The following CTNNA2 variants were observed in gnomAD, a reference collection of about 807,000 sequenced individuals.
CTNNA2 encodes the protein catenin alpha-2.
CTNNA2 carries 42 observed loss-of-function variants against 101.0 expected under a neutral mutation model. The ratio of observed to expected loss-of-function variants is 0.42; its 90% CI spans 0.32 to 0.54. CTNNA2 has a LOEUF of 0.54. CTNNA2 is among the 20% of genes least tolerant of loss of function. The pLI, the probability that CTNNA2 is intolerant of heterozygous loss-of-function variation, is 0.14. For missense variants in CTNNA2, 871 were observed against 1,223.1 expected (o/e 0.71, Z 4.29); for synonymous variants, 450 against 456.4 (o/e 0.99, Z 0.18).
intron 4 of CTNNA2, among the ~76,000 whole-genome samples, chr2:79,860,546 G>GTTGTTT (rs372047655): frequency 2.8e-5 from 3 of 107,180 alleles, no homozygotes; most frequent in African/African-American, 1.1e-4. Flanking sequence ...AGTAAGGGAA[G>GTTGTTT]TTTTTTTTTT....
chr2:80,612,315 T>G (rs1226541550), intron 17 of CTNNA2, among the ~76,000 whole-genome samples: 3 of 151,510 alleles, frequency 2.0e-5, no homozygotes, highest in Non-Finnish European at 4.4e-5. Context: ...ACAATCAACA[T>G]GAATATTCAT....
intron 3 of CTNNA2, among the ~76,000 whole-genome samples, chr2:79,767,920 G>T (rs1368619915): frequency 6.6e-6 from 1 of 151,634 alleles, no homozygotes; most frequent in Non-Finnish European, 1.5e-5. Context: ...GGTGATGCCA[G>T]CACTCCCTTA....
At chr2:79,202,640 G>T (rs1674052058) in intron 2 of CTNNA2, among the ~76,000 whole-genome samples, 1 of 152,138 alleles carries the variant, frequency 6.6e-6, no homozygotes, top group Non-Finnish European at 1.5e-5. Flanking sequence ...TCCTATGAGA[G>T]AATAGCTCAA....
chr2:79,185,973 G>A (rs1392392219), intron 1 of CTNNA2, among the ~76,000 whole-genome samples: 1 of 152,140 alleles, frequency 6.6e-6, no homozygotes, highest in African/African-American at 2.4e-5. Flanking sequence ...GCATGTGTTT[G>A]GTAAGTTAGG....
chr2:79,665,005 C>T (rs1428070381), intron 2 of CTNNA2, among the ~76,000 whole-genome samples: 2 of 152,158 alleles, frequency 1.3e-5, no homozygotes, highest in African/African-American at 4.8e-5. Context: ...GCCACCGTTC[C>T]CGGCCCACAT....
At chr2:79,655,640 C>A (rs1323403683) in intron 2 of CTNNA2, among the ~76,000 whole-genome samples, 1 of 151,944 alleles carries the variant, frequency 6.6e-6, no homozygotes, top group East Asian at 1.9e-4. Flanking sequence ...ATTAGCCTGG[C>A]GAACATGGCA....
At chr2:79,521,467 C>T (rs1313311239) in intron 1 of CTNNA2, among the ~76,000 whole-genome samples, 1 of 151,952 alleles carries the variant, frequency 6.6e-6, no homozygotes, top group Non-Finnish European at 1.5e-5. Flanking sequence ...CACTGGCCAG[C>T]ACTGAATCAC....
chr2:80,070,914 G>A (rs1487298068), intron 7 of CTNNA2, among the ~76,000 whole-genome samples: 1 of 152,048 alleles, frequency 6.6e-6, no homozygotes, highest in African/African-American at 2.4e-5. Context: ...GTCTCTTTGT[G>A]TCAACTGTTT....
intron 3 of CTNNA2, among the ~76,000 whole-genome samples, chr2:79,767,608 G>A (rs1673258188): frequency 6.6e-6 from 1 of 152,144 alleles, no homozygotes; most frequent in African/African-American, 2.4e-5. Flanking sequence ...TAGAGGTACT[G>A]CCTCGATGAT....
intron 3 of CTNNA2, among the ~76,000 whole-genome samples, chr2:79,333,305 G>A (rs535853353): frequency 6.6e-6 from 1 of 151,978 alleles, no homozygotes; most frequent in Non-Finnish European, 1.5e-5. Flanking sequence ...CAAGACTGTG[G>A]GTTCAAATTT....
chr2:80,121,758 T>G (rs1415248367), intron 7 of CTNNA2, among the ~76,000 whole-genome samples: 1 of 152,130 alleles, frequency 6.6e-6, no homozygotes. Flanking sequence ...AATTCCAAAG[T>G]AAAATCTAAC....
intron 2 of CTNNA2, among the ~76,000 whole-genome samples, chr2:79,689,067 C>G (rs933078264): frequency 2.0e-5 from 3 of 151,390 alleles, no homozygotes; most frequent in Admixed American, 1.3e-4. Context: ...TTCCCAAACA[C>G]AACTGAAGAC....
At chr2:80,047,290 C>A (rs893017834) in intron 7 of CTNNA2, among the ~76,000 whole-genome samples, 2 of 152,224 alleles carry the variant, frequency 1.3e-5, no homozygotes, top group Admixed American at 1.3e-4. Flanking sequence ...ATCAGTCACA[C>A]TTACCACATA....
At chr2:79,587,350 C>G (rs1676562763) in intron 1 of CTNNA2, among the ~76,000 whole-genome samples, 1 of 152,092 alleles carries the variant, frequency 6.6e-6, no homozygotes, top group South Asian at 2.1e-4. Flanking sequence ...GATGAGGAAG[C>G]TGAGGCACCG....
At position 79,855,221 on chromosome 2, in the gene CTNNA2, T is replaced by C. The variant is rs913695723; in HGVS notation, c.299-2792T>C. Reference sequence around the variant, plus strand: ...CTCTCTGTCTTTCTCTTTCTTTCTCTCTCTCTCTGTCTGTCTCTTCCCTGT... The same window carrying C: ...CTCTCTGTCTTTCTCTTTCTTTCTCCCTCTCTCTGTCTGTCTCTTCCCTGT... On this transcript the variant is annotated intron_variant, in intron 3 of 18. Transcript: ENST00000402739. 2.1e-4 allele frequency among the ~76,000 whole-genome samples: 32 copies of C among 152,236 alleles called. 1 individual carries two copies. The highest frequency in any genetic ancestry group is 4.0e-4 in the Non-Finnish European group (27 of 68,012).
chr2:79,527,140 C>A (rs924645223), intron 1 of CTNNA2, among the ~76,000 whole-genome samples: 1 of 151,768 alleles, frequency 6.6e-6, no homozygotes, highest in African/African-American at 2.4e-5. Flanking sequence ...TTATAAAGAA[C>A]CATATAAAGA....
chr2:79,196,094 G>T (rs1358852694), intron 1 of CTNNA2, among the ~76,000 whole-genome samples: 2 of 152,066 alleles, frequency 1.3e-5, no homozygotes, highest in Non-Finnish European at 2.9e-5. Flanking sequence ...GAGCCCCCAT[G>T]CCCAGCTGTT....
chr2:79,304,354 A>C (rs983311035), intron 2 of CTNNA2, among the ~76,000 whole-genome samples: 1 of 152,234 alleles, frequency 6.6e-6, no homozygotes, highest in Non-Finnish European at 1.5e-5. Flanking sequence ...TGGTGTATCC[A>C]TCCCAGAACA....
At position 79,221,650 on chromosome 2, in the gene CTNNA2, C is replaced by G. The variant is rs1348262626; in HGVS notation, c.-406+23574C>G. On this transcript the variant is annotated intron_variant, in intron 2 of 21. Transcript: ENST00000466387. ...GACAAGTCTGTATTGTCTCCAGTAGCAAAGACTCACTAGCCCATGAAACAA... is the reference window on the plus strand; with the variant it reads ...GACAAGTCTGTATTGTCTCCAGTAGGAAAGACTCACTAGCCCATGAAACAA... Among the ~76,000 whole-genome samples the G allele has an allele frequency of 2.6e-5, 4 of 151,796 alleles. No homozygotes were observed. The East Asian group carries it at 7.7e-4, about 29-fold the overall frequency.
Sources: gnomAD v4.1 joint callset for allele counts (sites outside exome capture counted in the v4.1 genomes callset) on GRCh38, gnomAD v4.1.1 for gene constraint, MANE v1.5 for transcripts, NCBI Gene and HGNC (gene_info 2026-07-23, HGNC 2026-07-21) for gene names.